Variants in FRMD4B observed in about 807,000 individuals in gnomAD.
FRMD4B encodes FERM domain-containing protein 4B.
A neutral mutation model predicts 141.5 loss-of-function variants in FRMD4B; 74 were observed. That is an observed-to-expected ratio of 0.52 (90% CI 0.43 to 0.63). The LOEUF (loss-of-function observed/expected upper bound fraction) is 0.63. Ranked by LOEUF, FRMD4B falls within the 30% of genes least tolerant of loss-of-function variation. The pLI is 0.00. For missense variants in FRMD4B, 1,366 were observed against 1,253.4 expected, an observed-to-expected ratio of 1.09 and a Z score of -1.36; for synonymous variants, 506 against 467.9, an observed-to-expected ratio of 1.08 and a Z score of -1.05.
intron 14 of FRMD4B, 32 bp from the exon 15 acceptor site, chr3:69,195,396 A>C: frequency 1.3e-6 from 2 of 1,565,020 alleles, no homozygotes; most frequent in Non-Finnish European, 1.7e-6. Flanking sequence ...GGGAAGGTTT[A>C]TACAAGGGAT....
At chr3:69,329,086 ACATTTACCAG>A (rs1219940578) in intron 1 of FRMD4B, among the ~76,000 whole-genome samples, 2 of 152,182 alleles carry the variant, frequency 1.3e-5, no homozygotes, top group Non-Finnish European at 2.9e-5. Flanking sequence ...CAGCTGAGAA[ACATTTACCAG>A]CATACCAGTG....
chr3:69,416,872 G>A (rs1473718196), intron 2 of FRMD4B, among the ~76,000 whole-genome samples: 1 of 152,134 alleles, frequency 6.6e-6, no homozygotes, highest in Non-Finnish European at 1.5e-5. Flanking sequence ...CCCTGCAAAG[G>A]ACATGAACTC....
At chr3:69,347,993 TGAA>T (rs1406832423) in intron 1 of FRMD4B, among the ~76,000 whole-genome samples, 1 of 152,094 alleles carries the variant, frequency 6.6e-6, no homozygotes, top group Admixed American at 6.6e-5. Flanking sequence ...AGAGCAGAAC[TGAA>T]GGAGATAGAG....
At chr3:69,404,151 C>A (rs1369659201) in intron 2 of FRMD4B, among the ~76,000 whole-genome samples, 2 of 152,180 alleles carry the variant, frequency 1.3e-5, no homozygotes, top group African/African-American at 2.4e-5. Flanking sequence ...CTTGTCTCAG[C>A]CTCCCAAAGC....
chr3:69,535,718 C>A (rs920085776), intron 1 of FRMD4B: 2 of 403,036 alleles, frequency 5.0e-6, no homozygotes, highest in Non-Finnish European at 1.0e-5. Context: ...GGCAGTCCAG[C>A]CTTTCACGGG....
At chr3:69,532,680 A>G (rs1163300495) in intron 1 of FRMD4B, among the ~76,000 whole-genome samples, 3 of 152,194 alleles carry the variant, frequency 2.0e-5, no homozygotes, top group African/African-American at 7.2e-5. Flanking sequence ...TGGATGAAGC[A>G]GGGCCAAAGC....
intron 1 of FRMD4B, among the ~76,000 whole-genome samples, chr3:69,539,056 G>A (rs2107176317): frequency 6.6e-6 from 1 of 152,286 alleles, no homozygotes; most frequent in African/African-American, 2.4e-5. Flanking sequence ...GATAAGATCA[G>A]ATCTCTGGGG....
intron 1 of FRMD4B, among the ~76,000 whole-genome samples, chr3:69,482,846 TA>T (rs1187786008): frequency 6.6e-6 from 1 of 152,206 alleles, no homozygotes; most frequent in Non-Finnish European, 1.5e-5. Context: ...GGTTTGCTTT[TA>T]ACCACTTTGA....
intron 5 of FRMD4B, among the ~76,000 whole-genome samples, chr3:69,255,785 C>G (rs953455157): frequency 6.6e-6 from 1 of 152,134 alleles, no homozygotes; most frequent in Non-Finnish European, 1.5e-5. Flanking sequence ...AGAAAGTTCT[C>G]TCTCTCTTTC....
intron 1 of FRMD4B, among the ~76,000 whole-genome samples, chr3:69,462,326 G>A (rs1188716165): frequency 6.6e-6 from 1 of 152,126 alleles, no homozygotes; most frequent in Non-Finnish European, 1.5e-5. Context: ...ATTGGTTGAG[G>A]GTCACTCCTG....
intron 7 of FRMD4B, among the ~76,000 whole-genome samples, chr3:69,236,519 G>A (rs1278254854): frequency 1.3e-5 from 2 of 152,250 alleles, no homozygotes; most frequent in South Asian, 2.1e-4. Flanking sequence ...ATGAGCCACC[G>A]TGCCCGGCCC....
chr3:69,307,229 T>TTC (rs1339708246), intron 3 of FRMD4B, among the ~76,000 whole-genome samples: 4 of 151,890 alleles, frequency 2.6e-5, no homozygotes, highest in Non-Finnish European at 5.9e-5. Context: ...CCAAAGGAGG[T>TTC]AACTGGGAAA....
intron 3 of FRMD4B, among the ~76,000 whole-genome samples, chr3:69,304,264 C>T (rs1449604241): frequency 6.6e-6 from 1 of 151,614 alleles, no homozygotes; most frequent in Non-Finnish European, 1.5e-5. Flanking sequence ...TGGGCAGATC[C>T]CTTGAGGTCA....
chr3:69,540,276 T>C (rs2107179155), intron 1 of FRMD4B, among the ~76,000 whole-genome samples: 1 of 152,164 alleles, frequency 6.6e-6, no homozygotes, highest in South Asian at 2.1e-4. Flanking sequence ...TACAGAGTGC[T>C]TACTGAGTGT....
chr3:69,265,380 A>G (rs1437712652), intron 5 of FRMD4B, among the ~76,000 whole-genome samples: 1 of 145,024 alleles, frequency 6.9e-6, no homozygotes, highest in African/African-American at 2.5e-5. Context: ...GTAGCAGCCC[A>G]GGTATGGTTT....
At chr3:69,197,105 C>T (rs966319351) in intron 12 of FRMD4B, 67 bp from the exon 13 acceptor site, 12 of 1,344,826 alleles carry the variant, frequency 8.9e-6, no homozygotes, top group Middle Eastern at 1.8e-4. Context: ...ATGTACCCTG[C>T]GAGCAGCATT....
At chr3:69,420,285 G>T (rs1194970641) in intron 2 of FRMD4B, among the ~76,000 whole-genome samples, 19 of 59,160 alleles carry the variant, frequency 3.2e-4, no homozygotes, top group African/African-American at 1.3e-3. Flanking sequence ...TATGAAAAGG[G>T]ATATCAAAAA....
chr3:69,536,023 C>A (rs928732862), intron 1 of FRMD4B: 7 of 397,862 alleles, frequency 1.8e-5, no homozygotes, highest in Admixed American at 1.5e-4. Flanking sequence ...CTGGAAGGGA[C>A]CTGCGTGGCC....
intron 5 of FRMD4B, among the ~76,000 whole-genome samples, chr3:69,255,456 G>A (rs183126189): frequency 1.3e-5 from 2 of 152,156 alleles, no homozygotes; most frequent in East Asian, 3.9e-4. Context: ...GAGTGGGGAG[G>A]ATCGCTTGAG....
Sources: allele counts gnomAD v4.1 joint callset (sites outside exome capture counted in the v4.1 genomes callset), GRCh38; gene constraint gnomAD v4.1.1; transcripts MANE v1.5; gene names NCBI Gene and HGNC (gene_info 2026-07-23, HGNC 2026-07-21).